IL1F10: variants seen among roughly 807,000 people sequenced by gnomAD.
IL1F10 encodes interleukin-1 family member 10.
In IL1F10, 13 loss-of-function variants were observed where a neutral mutation model predicts 13.1. That is an observed-to-expected ratio of 0.99 (90% CI 0.64 to 1.57). The LOEUF (loss-of-function observed/expected upper bound fraction) is 1.57, where lower values mean the gene tolerates loss of function less well. Among genes scored for constraint, IL1F10 ranks in the 40% most tolerant of loss-of-function variants. The pLI, the probability that IL1F10 is intolerant of heterozygous loss-of-function variation, is 0.00. For missense variants in IL1F10, 191 were observed against 184.1 expected (o/e 1.04, Z -0.22); for synonymous variants, 78 against 68.2 (o/e 1.14, Z -0.71).
At chr2:113,073,626 C>T (rs975271943) in intron 2 of IL1F10, among the ~76,000 whole-genome samples, 35 of 152,270 alleles carry the variant, frequency 2.3e-4, no homozygotes, top group Admixed American at 1.1e-3. Flanking sequence ...AGGATCTTTC[C>T]GGAAGTTTAT....
chr2:113,075,422 G>A lies in IL1F10; in HGVS notation c.*58G>A. 7.7e-7 allele frequency: 1 copy of A among 1,301,150 alleles called. No homozygotes were observed. The highest frequency in any genetic ancestry group is 1.1e-6 in the Non-Finnish European group (1 of 938,146). The allele number at this position is 1,301,150 out of a possible 1,614,324, so 80.6% of individuals were successfully genotyped here. On this transcript the variant is annotated 3_prime_UTR_variant, in exon 5 of 5. Transcript: ENST00000341010. ...CCCAAACCAAGCTCATCCTGCTCAG[G>A]GTCTATGGTAGGCAGAATAATGTCC...
chr2:113,072,391 T>G (rs764107471), intron 1 of IL1F10: 5 of 233,446 alleles, frequency 2.1e-5, no homozygotes, highest in Non-Finnish European at 4.2e-5. Flanking sequence ...CACCCCACTC[T>G]CAGGGCTGGG....
intron 1 of IL1F10, among the ~76,000 whole-genome samples, chr2:113,070,354 C>G (rs962544029): frequency 6.6e-6 from 1 of 152,196 alleles, no homozygotes; most frequent in African/African-American, 2.4e-5. Flanking sequence ...GGGAAAGACA[C>G]TGTACATTTT....
Position 113,074,364 on chromosome 2 carries a change from G to A in IL1F10, c.68G>A (p.Arg23Lys), listed in dbSNP as rs72827872. ...KYADQKALYT[R>K]DGQLLVGDPV... The stretch of plus-strand genomic sequence containing the variant: ...GCAGACCAGAAGGCTCTATACACAA[G>A]AGATGGCCAGCTGCTGGTGGGAGAT... The change falls in exon 3 of 5, where the codon AGA becomes AAA. Residue 23 changes from arginine to lysine, a missense_variant. Coordinates refer to ENST00000341010, the MANE Select transcript of IL1F10 (RefSeq NM_173161.3). 3.6e-3 allele frequency: 5,755 copies of A among 1,613,852 alleles called. 18 individuals are homozygous for A. The highest frequency in any genetic ancestry group is 4.2e-3 in the Non-Finnish European group (5,012 of 1,179,708).
At chr2:113,071,217 T>C (rs1030403664) in intron 1 of IL1F10, among the ~76,000 whole-genome samples, 2 of 152,266 alleles carry the variant, frequency 1.3e-5, no homozygotes, top group South Asian at 2.1e-4. Flanking sequence ...TTTCACCTAA[T>C]ATATTTTGAA....
intron 1 of IL1F10, among the ~76,000 whole-genome samples, chr2:113,069,222 G>A (rs2862855): frequency 0.77 from 117,429 of 151,848 alleles, 46,191 homozygotes; most frequent in East Asian, 0.93. Flanking sequence ...GAAGTGAGAT[G>A]CTATCACACA....
chr2:113,069,383 T>C (rs1412311594), intron 1 of IL1F10, among the ~76,000 whole-genome samples: 2 of 152,186 alleles, frequency 1.3e-5, no homozygotes, highest in African/African-American at 4.8e-5. Context: ...GGAATACAAG[T>C]ACAGTAGTAA....
intron 2 of IL1F10, 47 bp downstream of exon 2, chr2:113,072,817 G>A: frequency 1.3e-6 from 2 of 1,552,336 alleles, no homozygotes; most frequent in Non-Finnish European, 1.8e-6. Flanking sequence ...GGGGGTCAGG[G>A]TGGGAAGAGG....
At chr2:113,074,081 C>T (rs1297788905) in intron 2 of IL1F10, among the ~76,000 whole-genome samples, 1 of 152,150 alleles carries the variant, frequency 6.6e-6, no homozygotes, top group African/African-American at 2.4e-5. Context: ...CCTCTGAAGG[C>T]CTCCCCAAGC....
chr2:113,074,603 C>T (rs1206432624), intron 3 of IL1F10, 120 bp from the exon 4 acceptor site: 2 of 1,308,430 alleles, frequency 1.5e-6, no homozygotes, highest in Admixed American at 1.7e-5. Flanking sequence ...GTCCAGTCTG[C>T]ATGCAGGGCC....
rs1390049969 is a variant in IL1F10, at chr2:113,075,448, C to T, written c.*84C>T. The stretch of plus-strand genomic sequence containing the variant: ...GTCTATGGTAGGCAGAATAATGTCC[C>T]CCGAAATATGTCCACATCCTAATCC... On this transcript the variant is annotated 3_prime_UTR_variant, in exon 5 of 5. Transcript: ENST00000341010. The T allele has an allele frequency of 3.1e-6, 3 of 983,106 alleles. No individual in the cohort carries two copies. Among genetic ancestry groups the T allele is most frequent in the East Asian group, 5.0e-5 (2 of 39,792 alleles). The allele number at this position is 983,106 out of a possible 1,614,324, so 60.9% of individuals were successfully genotyped here.
intron 2 of IL1F10, among the ~76,000 whole-genome samples, chr2:113,073,890 A>G (rs1417653243): frequency 2.9e-5 from 2 of 69,768 alleles, no homozygotes; most frequent in Non-Finnish European, 5.3e-5. Flanking sequence ...ATCACACTTC[A>G]GTATACACTC....
intron 1 of IL1F10, chr2:113,072,197 A>G (rs1230606064): frequency 1.3e-5 from 2 of 152,658 alleles, no homozygotes; most frequent in Non-Finnish European, 2.9e-5. Context: ...GGGAGACCCC[A>G]CCAGCCTCAC....
At chr2:113,072,510 A>T in intron 1 of IL1F10, 1 of 525,032 alleles carries the variant, frequency 1.9e-6, no homozygotes, top group South Asian at 2.4e-5. Flanking sequence ...TTGCTCCCGG[A>T]TAGCCTCAGT....
chr2:113,070,441 C>A (rs535151582), intron 1 of IL1F10, among the ~76,000 whole-genome samples: 1 of 152,310 alleles, frequency 6.6e-6, no homozygotes, highest in South Asian at 2.1e-4. Flanking sequence ...TCTTCCAGCT[C>A]TTTGAGCTGA....
chr2:113,072,825 A>C, intron 2 of IL1F10, 55 bp downstream of exon 2: 3 of 1,508,310 alleles, frequency 2.0e-6, no homozygotes, highest in Non-Finnish European at 2.8e-6. Flanking sequence ...GGGTGGGAAG[A>C]GGAAAGGAAT....
chr2:113,074,462 C>T, intron 3 of IL1F10, 48 bp downstream of exon 3: 2 of 1,411,300 alleles, frequency 1.4e-6, no homozygotes, highest in Non-Finnish European at 2.0e-6. Context: ...CATAGGCCCT[C>T]CCTTCTCTTC....
chr2:113,073,507 C>G (rs987784917), intron 2 of IL1F10, among the ~76,000 whole-genome samples: 1 of 152,196 alleles, frequency 6.6e-6, no homozygotes, highest in African/African-American at 2.4e-5. Flanking sequence ...GATGTCAGCA[C>G]TTCAGGGCAT....
rs146878378 is a variant in IL1F10, at chr2:113,072,770, T to G, written c.32T>G (p.Ile11Arg). The G allele has an allele frequency of 1.3e-4, 216 of 1,612,836 alleles. 2 individuals are homozygous for G. In the African/African-American group the frequency reaches 2.6e-3, roughly 19 times the overall value. Reference sequence around the variant, plus strand: ...TCCCTCCCCATGGCAAGATACTACATGTAAGTTGTCCTGGCATGTCCCTGC... The same window carrying G: ...TCCCTCCCCATGGCAAGATACTACAGGTAAGTTGTCCTGGCATGTCCCTGC... MCSLPMARYY[I>R]IKYADQKALY... Residue 11 changes from isoleucine to arginine, a missense_variant and splice_region_variant, in exon 2 of 5, where the codon ATA becomes AGA. By Grantham distance (97) the Ile-to-Arg change is moderately conservative. Coordinates refer to ENST00000341010, the MANE Select transcript of IL1F10 (RefSeq NM_173161.3).
Sources: gnomAD v4.1 joint callset for allele counts (sites outside exome capture counted in the v4.1 genomes callset) on GRCh38, gnomAD v4.1.1 for gene constraint, MANE v1.5 for transcripts, NCBI Gene and HGNC (gene_info 2026-07-23, HGNC 2026-07-21) for gene names.